NKAIN2: variants seen among roughly 807,000 people sequenced by gnomAD.
The protein encoded by NKAIN2 is sodium/potassium-transporting ATPase subunit beta-1-interacting protein 2.
In NKAIN2, 14 loss-of-function variants were observed where a neutral mutation model predicts 32.6. The observed-to-expected ratio is 0.43, with a 90% CI of 0.28 to 0.67. The LOEUF (loss-of-function observed/expected upper bound fraction) is 0.67, where lower values mean the gene tolerates loss of function less well. NKAIN2 is among the 30% of genes least tolerant of loss of function. The pLI is 0.17. For synonymous variants in NKAIN2, 80 were observed against 87.2 expected (o/e 0.92, Z 0.46); for missense variants, 198 against 258.3 (o/e 0.77, Z 1.60).
At chr6:124,263,418 A>G (rs1794339622) in intron 1 of NKAIN2, among the ~76,000 whole-genome samples, 1 of 152,188 alleles carries the variant, frequency 6.6e-6, no homozygotes, top group Admixed American at 6.5e-5. Context: ...GCAGAAAAGT[A>G]TAGACTATAA....
At chr6:124,003,431 C>A (rs1036801362) in intron 1 of NKAIN2, among the ~76,000 whole-genome samples, 9 of 152,284 alleles carry the variant, frequency 5.9e-5, no homozygotes, top group African/African-American at 2.2e-4. Context: ...GTACCATCAT[C>A]TTTTACCATT....
chr6:124,452,884 G>C (rs929566845), intron 3 of NKAIN2, among the ~76,000 whole-genome samples: 2 of 152,054 alleles, frequency 1.3e-5, no homozygotes, highest in Non-Finnish European at 2.9e-5. Flanking sequence ...TTCACATCTA[G>C]GGTCATGTTA....
intron 1 of NKAIN2, among the ~76,000 whole-genome samples, chr6:123,967,450 T>A (rs757436212): frequency 5.9e-5 from 9 of 152,206 alleles, no homozygotes; most frequent in Non-Finnish European, 1.2e-4. Context: ...GTAGTTAGAC[T>A]TACAACTTGC....
chr6:124,293,188 A>AT (rs1342553177), intron 2 of NKAIN2, among the ~76,000 whole-genome samples: 23 of 152,180 alleles, frequency 1.5e-4, no homozygotes, highest in African/African-American at 4.1e-4. Flanking sequence ...ATTTTATTAC[A>AT]TATCTTTGAA....
intron 1 of NKAIN2, among the ~76,000 whole-genome samples, chr6:124,210,226 G>A (rs1169510492): frequency 6.6e-6 from 1 of 151,538 alleles, no homozygotes; most frequent in African/African-American, 2.4e-5. Context: ...CCCAATGTAT[G>A]TTCTCGGCAC....
chr6:124,820,660 G>T (rs182821825), intron 6 of NKAIN2, among the ~76,000 whole-genome samples: 2 of 152,258 alleles, frequency 1.3e-5, no homozygotes, highest in East Asian at 3.9e-4. Context: ...CTGGCCCATG[G>T]TCTGTTAGGA....
chr6:124,587,370 C>T (rs544475175), intron 3 of NKAIN2, among the ~76,000 whole-genome samples: 56 of 152,018 alleles, frequency 3.7e-4, no homozygotes, highest in African/African-American at 1.3e-3. Context: ...CAGGCGCATG[C>T]CACCACGCCC....
At chr6:124,183,429 ATAGAG>A (rs916557175) in intron 1 of NKAIN2, among the ~76,000 whole-genome samples, 13 of 152,224 alleles carry the variant, frequency 8.5e-5, no homozygotes, top group African/African-American at 2.4e-4. Context: ...AAATTATTAG[ATAGAG>A]TATAGTCTCT....
chr6:123,970,825 T>C (rs1356654639), intron 1 of NKAIN2, among the ~76,000 whole-genome samples: 1 of 152,020 alleles, frequency 6.6e-6, no homozygotes, highest in Non-Finnish European at 1.5e-5. Flanking sequence ...GAGGTTGCTG[T>C]GAGCTGAGAT....
At chr6:123,927,976 G>C (rs1285745581) in intron 1 of NKAIN2, among the ~76,000 whole-genome samples, 1 of 152,130 alleles carries the variant, frequency 6.6e-6, no homozygotes, top group Non-Finnish European at 1.5e-5. Context: ...CCCAGTTCAA[G>C]CTTGGTTGGT....
At chr6:123,969,943 T>G (rs1327431062) in intron 1 of NKAIN2, among the ~76,000 whole-genome samples, 1 of 152,212 alleles carries the variant, frequency 6.6e-6, no homozygotes, top group African/African-American at 2.4e-5. Flanking sequence ...GATATATAAG[T>G]AAAATGAATA....
chr6:124,449,338 G>A (rs977252748), intron 3 of NKAIN2, among the ~76,000 whole-genome samples: 12 of 151,976 alleles, frequency 7.9e-5, no homozygotes, highest in African/African-American at 2.9e-4. Flanking sequence ...TATCTAAATA[G>A]GAATGGACAG....
intron 2 of NKAIN2, among the ~76,000 whole-genome samples, chr6:124,328,344 A>T (rs1797503191): frequency 6.6e-6 from 1 of 152,184 alleles, no homozygotes; most frequent in African/African-American, 2.4e-5. Flanking sequence ...AAATTTTCAC[A>T]TATAATTTAG....
chr6:124,505,341 C>T (rs1453635464), intron 3 of NKAIN2, among the ~76,000 whole-genome samples: 3 of 152,134 alleles, frequency 2.0e-5, no homozygotes, highest in Non-Finnish European at 4.4e-5. Flanking sequence ...TCTTCAATCT[C>T]GAGAGCTCTG....
chr6:124,591,075 G>A lies in NKAIN2; in HGVS notation c.274-67111G>A, dbSNP rs548434242. Among the ~76,000 whole-genome samples the A allele has an allele frequency of 5.3e-5, 8 of 152,340 alleles. No individual in the cohort carries two copies. In the South Asian group the frequency reaches 6.2e-4, roughly 12 times the overall value. Reference sequence around the variant, plus strand: ...TTTGTGAGGGACCTGGTAAGTCTGAGCCTGAAGATCATGAACACATATGCC... The same window carrying A: ...TTTGTGAGGGACCTGGTAAGTCTGAACCTGAAGATCATGAACACATATGCC... On this transcript the variant is annotated intron_variant, in intron 3 of 6. Coordinates refer to ENST00000368417, the MANE Select transcript of NKAIN2 (RefSeq NM_001040214.3).
intron 3 of NKAIN2, among the ~76,000 whole-genome samples, chr6:124,369,543 ATT>A (rs1218271233): frequency 6.6e-6 from 1 of 151,968 alleles, no homozygotes; most frequent in Non-Finnish European, 1.5e-5. Context: ...TTTGTGTGTG[ATT>A]TATGTTTTCA....
chr6:123,868,582 C>T (rs1772702652), intron 1 of NKAIN2, among the ~76,000 whole-genome samples: 2 of 152,188 alleles, frequency 1.3e-5, no homozygotes, highest in South Asian at 4.1e-4. Flanking sequence ...CTAGTAATAT[C>T]ACTGATTTGA....
At chr6:124,734,061 G>GCACACACACACACA (rs61526747) in intron 4 of NKAIN2, among the ~76,000 whole-genome samples, 125 of 145,338 alleles carry the variant, frequency 8.6e-4, no homozygotes, top group Middle Eastern at 3.4e-3. Flanking sequence ...ATGAGGAAAT[G>GCACACACACACACA]CACACACACA....
intron 3 of NKAIN2, among the ~76,000 whole-genome samples, chr6:124,397,780 T>C (rs184856486): frequency 6.6e-6 from 1 of 152,258 alleles, no homozygotes; most frequent in African/African-American, 2.4e-5. Context: ...CTCAGGAAGA[T>C]TAACGAATTG....
Sources: gnomAD v4.1 joint callset for allele counts (sites outside exome capture counted in the v4.1 genomes callset) on GRCh38, gnomAD v4.1.1 for gene constraint, MANE v1.5 for transcripts, NCBI Gene and HGNC (gene_info 2026-07-23, HGNC 2026-07-21) for gene names.